Variants in ZNF385D observed in about 807,000 individuals in gnomAD.
ZNF385D encodes zinc finger protein 659.
Under a neutral mutation model 35.8 loss-of-function variants are expected in ZNF385D, and 15 were observed. That is an observed-to-expected ratio of 0.42 (90% CI 0.28 to 0.64). The LOEUF is 0.64. ZNF385D is among the 30% of genes least tolerant of loss of function. The probability of loss-of-function intolerance (pLI) is 0.23; values close to 1 mark genes in which losing one functional copy is unlikely to be tolerated. For synonymous variants in ZNF385D, 212 were observed against 186.8 expected, an observed-to-expected ratio of 1.13 and a Z score of -1.10; for missense variants, 474 against 494.6, an observed-to-expected ratio of 0.96 and a Z score of 0.39.
chr3:21,908,004 G>T (rs762174171), intron 3 of ZNF385D, among the ~76,000 whole-genome samples: 5 of 152,002 alleles, frequency 3.3e-5, no homozygotes, highest in African/African-American at 4.8e-5. Context: ...AACATTTAAA[G>T]AACTGAAGAT....
chr3:22,139,969 G>A (rs1704402399), intron 3 of ZNF385D, among the ~76,000 whole-genome samples: 1 of 152,148 alleles, frequency 6.6e-6, no homozygotes, highest in Non-Finnish European at 1.5e-5. Context: ...AAGAACTGAT[G>A]AGGATATAGA....
chr3:22,002,855 G>C (rs188845152), intron 3 of ZNF385D, among the ~76,000 whole-genome samples: 3 of 152,022 alleles, frequency 2.0e-5, no homozygotes, highest in Non-Finnish European at 2.9e-5. Flanking sequence ...TATCTCAATA[G>C]ATGTAGAAAA....
chr3:21,619,728 T>C (rs2064950266), intron 2 of ZNF385D, among the ~76,000 whole-genome samples: 1 of 152,242 alleles, frequency 6.6e-6, no homozygotes, highest in East Asian at 1.9e-4. Context: ...GAGGGACTAA[T>C]GGTGGGGAAG....
intron 2 of ZNF385D, among the ~76,000 whole-genome samples, chr3:22,263,271 G>A (rs1201162424): frequency 6.6e-6 from 1 of 152,012 alleles, no homozygotes; most frequent in Admixed American, 6.6e-5. Context: ...CTCCAGCAAA[G>A]CTGCCCATCT....
chr3:21,442,984 G>A (rs1701943677), intron 4 of ZNF385D, among the ~76,000 whole-genome samples: 1 of 151,380 alleles, frequency 6.6e-6, no homozygotes, highest in Admixed American at 6.6e-5. Context: ...TTTGTACACA[G>A]TACACATTTG....
At position 21,694,042 on chromosome 3, in the gene ZNF385D, C is replaced by CTTTTTTTTTTTTTTTTTTTTTTT. The variant is rs35586361; in HGVS notation, c.23-29015_23-29014insAAAAAAAAAAAAAAAAAAAAAAA. On this transcript the variant is annotated intron_variant, in intron 1 of 7. Coordinates refer to ENST00000281523, the MANE Select transcript of ZNF385D (RefSeq NM_024697.3). ...TACAGGCGCGTGCCACTACGCCTGG[C>CTTTTTTTTTTTTTTTTTTTTTTT]TTTTTTTTTTTTTTTTTTTGAGACA... Among the ~76,000 whole-genome samples, 31 of 22,164 alleles carry CTTTTTTTTTTTTTTTTTTTTTTT rather than the reference C, an allele frequency of 1.4e-3. 6 individuals are homozygous for CTTTTTTTTTTTTTTTTTTTTTTT. The highest frequency in any genetic ancestry group is 3.5e-3 in the Admixed American group (7 of 2,000). 14.5% of individuals were successfully genotyped at this position (22,164 alleles called of 152,430 possible).
chr3:22,144,818 CT>C (rs1490870841), intron 3 of ZNF385D, among the ~76,000 whole-genome samples: 1 of 152,036 alleles, frequency 6.6e-6, no homozygotes, highest in Non-Finnish European at 1.5e-5. Flanking sequence ...CAAAATCAAA[CT>C]CCTAAAGATT....
intron 1 of ZNF385D, among the ~76,000 whole-genome samples, chr3:21,742,412 C>G (rs565349395): frequency 6.6e-6 from 1 of 152,202 alleles, no homozygotes; most frequent in Non-Finnish European, 1.5e-5. Flanking sequence ...ATTTAAATTG[C>G]TACTTATAGA....
chr3:22,217,695 G>A (rs17011036), intron 2 of ZNF385D, among the ~76,000 whole-genome samples: 2,208 of 152,234 alleles, frequency 0.015, 53 homozygotes, highest in African/African-American at 0.05. Context: ...GGCAAATATA[G>A]AGAGCATATT....
chr3:21,447,013 G>A (rs1276632895), intron 4 of ZNF385D, among the ~76,000 whole-genome samples: 3 of 152,076 alleles, frequency 2.0e-5, no homozygotes, highest in Non-Finnish European at 4.4e-5. Context: ...GTTCACAGAT[G>A]TTTAGTATAA....
chr3:21,444,795 G>T (rs1297333797), intron 4 of ZNF385D, among the ~76,000 whole-genome samples: 2 of 137,496 alleles, frequency 1.5e-5, no homozygotes, highest in Admixed American at 1.4e-4. Context: ...TATTTTGTAG[G>T]ATAATTTATC....
At chr3:21,656,798 C>T (rs1462637698) in intron 2 of ZNF385D, among the ~76,000 whole-genome samples, 1 of 151,808 alleles carries the variant, frequency 6.6e-6, no homozygotes, top group Non-Finnish European at 1.5e-5. Flanking sequence ...GTAAAATAAG[C>T]ATGTTGAAGA....
At chr3:21,987,577 C>T (rs1288823719) in intron 3 of ZNF385D, among the ~76,000 whole-genome samples, 2 of 128,410 alleles carry the variant, frequency 1.6e-5, no homozygotes, top group African/African-American at 7.0e-5. Flanking sequence ...GGTAACCCGA[C>T]CTTTCTCTCT....
chr3:21,885,807 G>T (rs1164380858), intron 3 of ZNF385D, among the ~76,000 whole-genome samples: 1 of 149,926 alleles, frequency 6.7e-6, no homozygotes, highest in African/African-American at 2.4e-5. Flanking sequence ...TTTATTTAAA[G>T]AAATTGGCTC....
chr3:22,283,601 T>C (rs937244303), intron 2 of ZNF385D, among the ~76,000 whole-genome samples: 3 of 152,158 alleles, frequency 2.0e-5, no homozygotes, highest in African/African-American at 7.2e-5. Flanking sequence ...TTCTGACATG[T>C]AATAGCTGTG....
At chr3:21,710,502 C>G (rs2068061752) in intron 1 of ZNF385D, among the ~76,000 whole-genome samples, 1 of 152,078 alleles carries the variant, frequency 6.6e-6, no homozygotes, top group Non-Finnish European at 1.5e-5. Flanking sequence ...TCCTCCATAA[C>G]CTGAGAATCA....
chr3:22,237,844 A>C (rs563581051), intron 2 of ZNF385D, among the ~76,000 whole-genome samples: 6 of 151,304 alleles, frequency 4.0e-5, no homozygotes, highest in South Asian at 2.1e-4. Context: ...GGGTTTCACC[A>C]CATTCGCCAT....
At chr3:21,975,407 G>C (rs1000943558) in intron 3 of ZNF385D, among the ~76,000 whole-genome samples, 1 of 152,088 alleles carries the variant, frequency 6.6e-6, no homozygotes, top group African/African-American at 2.4e-5. Context: ...CCAGAGGTTG[G>C]AAGGGTAGTG....
At chr3:21,917,775 G>A (rs771071819) in intron 3 of ZNF385D, among the ~76,000 whole-genome samples, 1 of 152,136 alleles carries the variant, frequency 6.6e-6, no homozygotes, top group South Asian at 2.1e-4. Flanking sequence ...TGTACCCTCA[G>A]TGGCTAAGTG....
Sources: gnomAD v4.1 joint callset for allele counts (sites outside exome capture counted in the v4.1 genomes callset) on GRCh38, gnomAD v4.1.1 for gene constraint, MANE v1.5 for transcripts, NCBI Gene and HGNC (gene_info 2026-07-23, HGNC 2026-07-21) for gene names.